Variants in MED17 observed in about 807,000 individuals in gnomAD.
The protein encoded by MED17 is mediator of RNA polymerase II transcription subunit 17.
A neutral mutation model predicts 80.8 loss-of-function variants in MED17; 49 were observed. The observed-to-expected ratio is 0.61, with a 90% CI of 0.48 to 0.77. The LOEUF (loss-of-function observed/expected upper bound fraction) is 0.77, where lower values mean the gene tolerates loss of function less well. Ranked by LOEUF, MED17 falls within the 30% of genes least tolerant of loss-of-function variation. The pLI, the probability that MED17 is intolerant of heterozygous loss-of-function variation, is 0.00. For synonymous variants in MED17, 281 were observed against 280.4 expected (o/e 1.00, Z -0.02); for missense variants, 718 against 787.0 (o/e 0.91, Z 1.05).
intron 7 of MED17, chr11:93,797,272 C>T: frequency 2.3e-6 from 1 of 435,186 alleles, no homozygotes; most frequent in Non-Finnish European, 4.2e-6. Flanking sequence ...GTTGTGACTC[C>T]CTCAAACCTT....
chr11:93,804,004 TATATATATATATATATATATATACAC>T, intron 9 of MED17, among the ~76,000 whole-genome samples: 2 of 6,548 alleles, frequency 3.1e-4, no homozygotes, highest in Non-Finnish European at 2.2e-3. Context: ...TGTGTGTATA[TATATATATATATATATATATATACAC>T]ACACACATAT....
chr11:93,810,845 CAT>C (rs1944079664), intron 11 of MED17: 1 of 152,172 alleles, frequency 6.6e-6, no homozygotes, highest in Non-Finnish European at 1.5e-5. Context: ...AAAATACAGT[CAT>C]GTGTTGCATA....
intron 9 of MED17, 166 bp from the exon 10 acceptor site, chr11:93,807,352 G>T (rs1458578718): frequency 1.7e-6 from 1 of 581,042 alleles, no homozygotes; most frequent in African/African-American, 1.9e-5. Flanking sequence ...AGCGGAGGTT[G>T]CAGTGAGCTG....
intron 8 of MED17, among the ~76,000 whole-genome samples, chr11:93,798,864 C>T (rs1376821441): frequency 6.6e-6 from 1 of 152,076 alleles, no homozygotes; most frequent in Non-Finnish European, 1.5e-5. Context: ...TTGAGTAGAT[C>T]GTTAGTCTTG....
Position 93,788,183 on chromosome 11 carries a change from A to G in MED17, c.417+16A>G, listed in dbSNP as rs1478440025. 1 of 1,600,510 alleles carries G rather than the reference A, an allele frequency of 6.2e-7. No individual in the cohort carries two copies. Among genetic ancestry groups the G allele is most frequent in the East Asian group, 2.2e-5 (1 of 44,784 alleles). On this transcript the variant is annotated intron_variant, in intron 2 of 11. Transcript: ENST00000251871. ...TCCAAAACAGGTATTTGTGGACTTT[A>G]ATTGAATAATAAAATTTTATTTATT...
chr11:93,804,010 TATATATATATATATATAC>T (rs1943995281), intron 9 of MED17, among the ~76,000 whole-genome samples: 3 of 19,460 alleles, frequency 1.5e-4, no homozygotes, highest in Admixed American at 9.4e-4. Context: ...TATATATATA[TATATATATATATATATAC>T]ACACACACAT....
chr11:93,807,993 A>G (rs1944043878), intron 10 of MED17: 2 of 314,902 alleles, frequency 6.4e-6, no homozygotes, highest in Non-Finnish European at 1.2e-5. Flanking sequence ...AAGGGAGATC[A>G]TATAAAAAAC....
intron 3 of MED17, among the ~76,000 whole-genome samples, chr11:93,793,002 C>T (rs1009084003): frequency 4.0e-5 from 6 of 151,746 alleles, no homozygotes; most frequent in African/African-American, 1.2e-4. Context: ...GTTATGTGCA[C>T]TATCCTCTGT....
intron 1 of MED17, among the ~76,000 whole-genome samples, chr11:93,787,594 G>C (rs901067205): frequency 3.9e-5 from 6 of 151,982 alleles, no homozygotes; most frequent in Non-Finnish European, 5.9e-5. Context: ...TTTTTTTAAT[G>C]GTTAAAAGGA....
In MED17 at chr11:93,813,610, T is replaced by C. The variant is rs1944107078; in HGVS notation, c.*1546T>C. 2 of 152,196 alleles carry C rather than the reference T, an allele frequency of 1.3e-5. No individual in the cohort carries two copies. The highest frequency in any genetic ancestry group is 6.5e-5 in the Admixed American group (1 of 15,276). The allele number at this position is 152,196 out of a possible 1,614,324, so 9.4% of individuals were successfully genotyped here. A position where few individuals can be genotyped will look rare whatever the true frequency, so the allele number is the denominator to read the frequency against. ...TTTTGTTTATATAAACTTCTCCCAT[T>C]GCAGATTGATACTTTGGTAAACTAA... On this transcript the variant is annotated 3_prime_UTR_variant, in exon 12 of 12. Coordinates refer to ENST00000251871, the MANE Select transcript of MED17 (RefSeq NM_004268.5).
chr11:93,787,705 A>T (rs1943785010), intron 1 of MED17, among the ~76,000 whole-genome samples: 1 of 152,168 alleles, frequency 6.6e-6, no homozygotes. Context: ...TAAACACTGT[A>T]AGAAGATTAT....
intron 3 of MED17, among the ~76,000 whole-genome samples, chr11:93,791,855 A>G (rs974611985): frequency 6.6e-6 from 1 of 152,168 alleles, no homozygotes; most frequent in Admixed American, 6.5e-5. Context: ...AGCTGTTTTT[A>G]TGTCCTGAGT....
At chr11:93,804,027 ACACACAC>A (rs1943997811) in intron 9 of MED17, among the ~76,000 whole-genome samples, 1 of 5,816 alleles carries the variant, frequency 1.7e-4, no homozygotes, top group East Asian at 5.5e-3. Context: ...ATATATATAT[ACACACAC>A]ACATATACAC....
rs1565293250 is a variant in MED17 at position 93,804,013 on chromosome 11, A to ATATATATATATG, written c.1466+2052_1466+2053insGTATATATATAT. Among the ~76,000 whole-genome samples the ATATATATATATG allele has an allele frequency of 9.0e-5, 2 of 22,324 alleles. 1 individual carries two copies. The highest frequency in any genetic ancestry group is 1.9e-4 in the African/African-American group (2 of 10,692). The allele number at this position is 22,324 out of a possible 152,430, so 14.6% of individuals were successfully genotyped here. ...TATATGTGTGTGTATATATATATATATATATATATATATACACACACACAT... is the reference window on the plus strand; with the variant it reads ...TATATGTGTGTGTATATATATATATATATATATATATGTATATATATATATACACACACACAT... On this transcript the variant is annotated intron_variant, in intron 9 of 11. Transcript: ENST00000251871.
intron 8 of MED17, among the ~76,000 whole-genome samples, chr11:93,800,349 C>T (rs571631303): frequency 4.8e-4 from 73 of 151,934 alleles, no homozygotes; most frequent in African/African-American, 1.5e-3. Context: ...TGAGGTGAGG[C>T]GTGGCATGGT....
intron 2 of MED17, chr11:93,788,442 G>A (rs1454231393): frequency 6.6e-6 from 2 of 303,020 alleles, no homozygotes; most frequent in Non-Finnish European, 1.3e-5. Flanking sequence ...AGCACTTTGG[G>A]AGGCCAAGGC....
At chr11:93,811,666 A>G in intron 11 of MED17, 187 bp from the exon 12 acceptor site, 5 of 605,816 alleles carry the variant, frequency 8.3e-6, no homozygotes, top group Non-Finnish European at 1.5e-5. Context: ...TATTTATACC[A>G]TCCTCTTATA....
In MED17 at chr11:93,813,607, C is replaced by T. The variant is rs978441484; in HGVS notation, c.*1543C>T. ...AGTTTTTGTTTATATAAACTTCTCC[C>T]ATTGCAGATTGATACTTTGGTAAAC... On this transcript the variant is annotated 3_prime_UTR_variant, in exon 12 of 12. Transcript: ENST00000251871. 1.3e-5 allele frequency: 2 copies of T among 152,156 alleles called. No individual in the cohort carries two copies. Among genetic ancestry groups the T allele is most frequent in the Non-Finnish European group, 2.9e-5 (2 of 68,028 alleles). The allele number at this position is 152,156 out of a possible 1,614,324, so 9.4% of individuals were successfully genotyped here. A position where few individuals can be genotyped will look rare whatever the true frequency, so the allele number is the denominator to read the frequency against.
intron 9 of MED17, among the ~76,000 whole-genome samples, chr11:93,804,887 A>T (rs1041843777): frequency 6.6e-6 from 1 of 152,234 alleles, no homozygotes; most frequent in African/African-American, 2.4e-5. Context: ...AGGCTTAATG[A>T]TCAGAATACA....
Sources: allele counts gnomAD v4.1 joint callset (sites outside exome capture counted in the v4.1 genomes callset), GRCh38; gene constraint gnomAD v4.1.1; transcripts MANE v1.5; gene names NCBI Gene and HGNC (gene_info 2026-07-23, HGNC 2026-07-21).